GALNT15: variants seen among roughly 807,000 people sequenced by gnomAD.
The protein encoded by GALNT15 is UDP-GalNAc transferase T15.
A neutral mutation model predicts 66.8 loss-of-function variants in GALNT15; 67 were observed. The observed-to-expected ratio is 1.00, with a 90% CI of 0.82 to 1.23. GALNT15 has a LOEUF of 1.23. Among genes scored for constraint, GALNT15 ranks in the 50% most tolerant of loss-of-function variants. The probability of loss-of-function intolerance (pLI) is 0.00; values close to 1 mark genes in which losing one functional copy is unlikely to be tolerated. For missense variants in GALNT15, 827 were observed against 804.3 expected, an observed-to-expected ratio of 1.03 and a Z score of -0.34; for synonymous variants, 313 against 311.5, an observed-to-expected ratio of 1.00 and a Z score of -0.05.
At chr3:16,247,012 A>G in the GALNT15 span, among the ~76,000 whole-genome samples, 1 of 152,178 alleles carries the variant, frequency 6.6e-6, no homozygotes, top group Non-Finnish European at 1.5e-5. Context: ...GGCTTTTCAT[A>G]CATAAATACA....
downstream of GALNT15, chr3:16,231,736 T>C (rs760104153): frequency 5.8e-5 from 78 of 1,349,410 alleles, no homozygotes; most frequent in Middle Eastern, 1.8e-4. The surrounding 1 kb of genome is among the most constrained non-coding windows in gnomAD (Gnocchi z 4.1). Context: ...CTATGACAAA[T>C]GCTAAAATGA....
chr3:16,180,099 T>C lies in GALNT15; in HGVS notation c.539+4409T>C, dbSNP rs1367950337. Among the ~76,000 whole-genome samples, 1 of 152,202 alleles carries C rather than the reference T, an allele frequency of 6.6e-6. No homozygotes were observed. Among genetic ancestry groups the C allele is most frequent in the East Asian group, 1.9e-4 (1 of 5,196 alleles). ...GAACTTGAGCGTGCATCCGAACAAC[T>C]AGATGGCTTGTTAAAAATACAGATT... On this transcript the variant is annotated intron_variant, in intron 1 of 9. Coordinates refer to ENST00000339732, the MANE Select transcript of GALNT15 (RefSeq NM_054110.5). This position sits in a 1 kb window ranked among gnomAD's most constrained non-coding sequence, Gnocchi z 5.0.
At chr3:16,223,082 C>G (rs538692762) in intron 9 of GALNT15, among the ~76,000 whole-genome samples, 3 of 152,090 alleles carry the variant, frequency 2.0e-5, no homozygotes, top group Non-Finnish European at 4.4e-5. Flanking sequence ...TTACAAGGAA[C>G]GTTCAGCCAC....
chr3:16,231,494 A>G (rs767877207), downstream of GALNT15, among the ~76,000 whole-genome samples: 3 of 152,072 alleles, frequency 2.0e-5, no homozygotes, highest in South Asian at 2.1e-4. This position sits in a 1 kb window ranked among gnomAD's most constrained non-coding sequence, Gnocchi z 4.1. Flanking sequence ...ATATTTTTTC[A>G]TCACTGAAGG....
At chr3:16,197,732 G>C (rs770630616) in intron 2 of GALNT15, among the ~76,000 whole-genome samples, 4 of 152,138 alleles carry the variant, frequency 2.6e-5, no homozygotes, top group African/African-American at 4.8e-5. Context: ...GAAAATGCTT[G>C]CGATGACCAG....
chr3:16,203,546 C>CAG lies in GALNT15; in HGVS notation c.911+2724_911+2725insGA, dbSNP rs1358485431. Among the ~76,000 whole-genome samples the CAG allele has an allele frequency of 4.9e-5, 2 of 40,802 alleles. No homozygotes were observed. The highest frequency in any genetic ancestry group is 1.3e-4 in the Non-Finnish European group (2 of 15,358). 26.8% of individuals were successfully genotyped at this position (40,802 alleles called of 152,430 possible). A position where few individuals can be genotyped will look rare whatever the true frequency, so the allele number is the denominator to read the frequency against. On this transcript the variant is annotated intron_variant, in intron 3 of 9. Transcript: ENST00000339732. This position sits in a 1 kb window ranked among gnomAD's most constrained non-coding sequence, Gnocchi z 6.2. ...TCTCTCTCTCTCTCTCTCTCTCTCA[C>CAG]ACACACACACACACACACACACACA...
At position 16,188,330 on chromosome 3, in the gene GALNT15, G is replaced by A. The variant is rs1366315246; in HGVS notation, c.540-7430G>A. ...ATAGGTCGTGTCCCATCACAGACATGTTTGTTTGGCCATGCAGTTTTATTT... is the reference window on the plus strand; with the variant it reads ...ATAGGTCGTGTCCCATCACAGACATATTTGTTTGGCCATGCAGTTTTATTT... On this transcript the variant is annotated intron_variant, in intron 1 of 9. Transcript: ENST00000339732. The surrounding 1 kb of genome is among the most constrained non-coding windows in gnomAD (Gnocchi z 4.6). Among the ~76,000 whole-genome samples, 1 of 152,240 alleles carries A rather than the reference G, an allele frequency of 6.6e-6. No homozygotes were observed. Among genetic ancestry groups the A allele is most frequent in the East Asian group, 1.9e-4 (1 of 5,198 alleles).
chr3:16,179,268 G>A (rs2063445324), intron 1 of GALNT15, among the ~76,000 whole-genome samples: 1 of 152,174 alleles, frequency 6.6e-6, no homozygotes. Flanking sequence ...AGGAAACTGA[G>A]GCACAGAAAG....
chr3:16,213,623 T>C (rs373470860), intron 6 of GALNT15, among the ~76,000 whole-genome samples: 1 of 152,304 alleles, frequency 6.6e-6, no homozygotes, highest in East Asian at 1.9e-4. Context: ...TTCACATTAA[T>C]GCTTGCTGTG....
At position 16,227,439 on chromosome 3, in the gene GALNT15, G is replaced by A. The variant is rs769225783; in HGVS notation, c.1859G>A (p.Cys620Tyr). 1.2e-6 allele frequency: 2 copies of A among 1,614,032 alleles called. No individual in the cohort carries two copies. Among genetic ancestry groups the A allele is most frequent in the Non-Finnish European group, 1.7e-6 (2 of 1,180,028 alleles). ...AATAAAGATTTGTACCTGCGTCCGT[G>A]TGATGGAAAAGCCCGCCAGCAGTGG... ...ENNKDLYLRP[C>Y]DGKARQQWRF... The change falls in exon 10 of 10, where the codon TGT becomes TAT. Residue 620 changes from cysteine (C) to tyrosine (Y), a missense_variant. Physicochemically the swap from Cys to Tyr is radical, Grantham distance 194. Transcript: ENST00000339732. The surrounding 1 kb of genome is among the most constrained non-coding windows in gnomAD (Gnocchi z 4.5).
chr3:16,232,149 G>T (rs1485714033), downstream of GALNT15, among the ~76,000 whole-genome samples: 1 of 151,982 alleles, frequency 6.6e-6, no homozygotes, highest in Non-Finnish European at 1.5e-5. Context: ...GAGCTGCCTT[G>T]TTCCCACCAT....
At chr3:16,190,542 G>A (rs1334528528) in intron 1 of GALNT15, among the ~76,000 whole-genome samples, 1 of 151,990 alleles carries the variant, frequency 6.6e-6, no homozygotes, top group African/African-American at 2.4e-5. Context: ...GGAGGCTGAG[G>A]CAGGAGAATG....
chr3:16,223,163 A>T (rs75630308), intron 9 of GALNT15, among the ~76,000 whole-genome samples: 1 of 152,194 alleles, frequency 6.6e-6, no homozygotes. Flanking sequence ...ACAGATGTAG[A>T]TGTAAATATA....
chr3:16,175,547 G>A lies in GALNT15; in HGVS notation c.396G>A (p.Lys132=), dbSNP rs773392601. 2 of 1,614,096 alleles carry A rather than the reference G, an allele frequency of 1.2e-6. No individual in the cohort carries two copies. Among genetic ancestry groups the A allele is most frequent in the Admixed American group, 1.7e-5 (1 of 60,026 alleles). The change falls in exon 1 of 10, where the codon AAG becomes AAA. Residue 132 remains lysine (K), a synonymous_variant. Coordinates refer to ENST00000339732, the MANE Select transcript of GALNT15 (RefSeq NM_054110.5). The surrounding 1 kb of genome is among the most constrained non-coding windows in gnomAD (Gnocchi z 5.6). ...GGAGGCAGGATAAGGAAGCCCCAAA[G>A]AGGGACTGGGGGGCTGATGAGGACG... ...QPRRQDKEAP[K]RDWGADEDGE...
At chr3:16,222,959 T>G (rs1050469998) in intron 9 of GALNT15, among the ~76,000 whole-genome samples, 4 of 152,212 alleles carry the variant, frequency 2.6e-5, no homozygotes, top group African/African-American at 9.7e-5. Context: ...CATCTTCATA[T>G]GTAATGATTT....
intron 3 of GALNT15, among the ~76,000 whole-genome samples, chr3:16,201,999 T>C (rs1028085265): frequency 1.1e-4 from 17 of 152,170 alleles, no homozygotes; most frequent in Non-Finnish European, 5.9e-5. Flanking sequence ...GAACCAAGCC[T>C]TATGACTTCT....
chr3:16,228,583 G>A lies in GALNT15; in HGVS notation c.*1083G>A, dbSNP rs995262405. 1.6e-4 allele frequency: 145 copies of A among 888,428 alleles called. No individual in the cohort carries two copies. The highest frequency in any genetic ancestry group is 1.8e-4 in the Non-Finnish European group (135 of 742,898). The allele number at this position is 888,428 out of a possible 1,614,324, so 55.0% of individuals were successfully genotyped here. ...TTGAACCCAGGAGGCAGAGGTTGCA[G>A]TGAGCTGAGATCATGCCATTGCACT... On this transcript the variant is annotated 3_prime_UTR_variant, in exon 10 of 10. Coordinates refer to ENST00000339732, the MANE Select transcript of GALNT15 (RefSeq NM_054110.5).
the GALNT15 span, among the ~76,000 whole-genome samples, chr3:16,241,702 T>C: frequency 6.6e-6 from 1 of 152,142 alleles, no homozygotes; most frequent in East Asian, 1.9e-4. The surrounding 1 kb of genome is among the most constrained non-coding windows in gnomAD (Gnocchi z 4.6). Context: ...GCACCTGCCA[T>C]CATGCCTAGC....
intron 2 of GALNT15, among the ~76,000 whole-genome samples, chr3:16,198,197 C>A (rs1238336745): frequency 2.1e-5 from 3 of 142,122 alleles, no homozygotes; most frequent in Non-Finnish European, 3.1e-5. Flanking sequence ...TGGACACCCA[C>A]CTTCATCTGC....
Sources: allele counts gnomAD v4.1 joint callset (sites outside exome capture counted in the v4.1 genomes callset), GRCh38; gene constraint gnomAD v4.1.1; non-coding constraint Gnocchi (gnomAD v3.1); transcripts MANE v1.5; gene names NCBI Gene and HGNC (gene_info 2026-07-23, HGNC 2026-07-21).